The following ZFYVE9 variants were observed in gnomAD, a reference collection of about 807,000 sequenced individuals.
ZFYVE9 encodes the protein zinc finger FYVE domain-containing protein 9.
In ZFYVE9, 43 loss-of-function variants were observed where a neutral mutation model predicts 126.7. The observed-to-expected ratio is 0.34, with a 90% confidence interval of 0.27 to 0.44. The LOEUF (loss-of-function observed/expected upper bound fraction) is 0.44, where lower values mean the gene tolerates loss of function less well. Among genes scored for constraint, ZFYVE9 ranks in the 20% least tolerant of loss-of-function variants. The probability of loss-of-function intolerance (pLI) is 1.00; values close to 1 mark genes in which losing one functional copy is unlikely to be tolerated. For missense variants in ZFYVE9, 1,476 were observed against 1,697.0 expected, an observed-to-expected ratio of 0.87 and a Z score of 2.29; for synonymous variants, 521 against 597.4, an observed-to-expected ratio of 0.87 and a Z score of 1.87.
chr1:52,326,356 G>A (rs1646291877), intron 13 of ZFYVE9, among the ~76,000 whole-genome samples: 1 of 152,146 alleles, frequency 6.6e-6, no homozygotes, highest in African/African-American at 2.4e-5. Context: ...TTAACAAATT[G>A]TTTGTTAAAA....
At chr1:52,198,886 T>G (rs546276165) in intron 1 of ZFYVE9, among the ~76,000 whole-genome samples, 17 of 152,316 alleles carry the variant, frequency 1.1e-4, no homozygotes, top group African/African-American at 4.1e-4. Context: ...GGATACATCA[T>G]TATCACCCAA....
chr1:52,214,436 GAAATA>G (rs558699948), intron 1 of ZFYVE9, among the ~76,000 whole-genome samples: 1 of 151,882 alleles, frequency 6.6e-6, no homozygotes, highest in African/African-American at 2.4e-5. Flanking sequence ...CAAAAATAAT[GAAATA>G]AAATAAAATA....
At chr1:52,205,065 GA>G (rs1644960674) in intron 1 of ZFYVE9, among the ~76,000 whole-genome samples, 6 of 143,428 alleles carry the variant, frequency 4.2e-5, no homozygotes, top group South Asian at 4.4e-4. Flanking sequence ...TTTGTGCTGT[GA>G]ATTTTTTTTT....
In ZFYVE9 at chr1:52,155,891, C is replaced by T. The variant is rs114474294; in HGVS notation, c.-143+13488C>T. Among the ~76,000 whole-genome samples, 1,210 of 152,240 alleles carry T rather than the reference C, an allele frequency of 7.9e-3. 16 individuals are homozygous for T. Among genetic ancestry groups the T allele is most frequent in the African/African-American group, 0.028 (1,161 of 41,526 alleles). ...TGGAGGGGATGTGTTGGCATGATTG[C>T]GACCACTGGACTCTTAAAACTTTGC... On this transcript the variant is annotated intron_variant, in intron 1 of 18. Coordinates refer to ENST00000287727, the MANE Select transcript of ZFYVE9 (RefSeq NM_004799.4).
At chr1:52,298,035 T>A (rs576942684) in intron 12 of ZFYVE9, among the ~76,000 whole-genome samples, 88 of 152,330 alleles carry the variant, frequency 5.8e-4, no homozygotes, top group African/African-American at 1.7e-3. Context: ...AAATTTGTTA[T>A]ATATTCTGGA....
chr1:52,160,614 C>A, intron 1 of ZFYVE9: 3 of 693,220 alleles, frequency 4.3e-6, no homozygotes, highest in Non-Finnish European at 8.0e-6. Context: ...GAGTCGGGCA[C>A]CGTGTTAGCC....
chr1:52,332,625 CTTTG>C, intron 13 of ZFYVE9, 139 bp from the exon 14 acceptor site: 1 of 970,340 alleles, frequency 1.0e-6, no homozygotes, highest in Non-Finnish European at 1.5e-6. Flanking sequence ...CATTTTTTTA[CTTTG>C]TTTCATTATT....
At chr1:52,240,652 C>G (rs558549475) in intron 4 of ZFYVE9, among the ~76,000 whole-genome samples, 3 of 152,142 alleles carry the variant, frequency 2.0e-5, no homozygotes, top group East Asian at 1.9e-4. Flanking sequence ...GAAGTTCTCT[C>G]GGTCTTCCCC....
At chr1:52,295,452 C>T (rs576108778) in intron 11 of ZFYVE9, among the ~76,000 whole-genome samples, 41 of 151,992 alleles carry the variant, frequency 2.7e-4, no homozygotes, top group Admixed American at 3.3e-4. Context: ...GTCACCTGGG[C>T]TCAAGCCATC....
intron 1 of ZFYVE9, among the ~76,000 whole-genome samples, chr1:52,179,423 T>G (rs1428053536): frequency 6.6e-6 from 1 of 151,668 alleles, no homozygotes; most frequent in Non-Finnish European, 1.5e-5. Flanking sequence ...TTGTGTGAGG[T>G]CAGGAGTTCA....
chr1:52,144,918 G>A (rs1003661269), intron 1 of ZFYVE9, among the ~76,000 whole-genome samples: 1 of 152,160 alleles, frequency 6.6e-6, no homozygotes, highest in African/African-American at 2.4e-5. Context: ...ATTATAATCT[G>A]TAAAAGATTT....
chr1:52,332,714 T>A, intron 13 of ZFYVE9, 54 bp from the exon 14 acceptor site: 1 of 1,586,482 alleles, frequency 6.3e-7, no homozygotes, highest in Non-Finnish European at 8.6e-7. Context: ...TTGCACCATG[T>A]CAGACAGAAA....
intron 2 of ZFYVE9, among the ~76,000 whole-genome samples, chr1:52,225,097 CAGAG>C (rs2124609820): frequency 6.6e-6 from 1 of 152,296 alleles, no homozygotes; most frequent in South Asian, 2.1e-4. Context: ...TTTCAACCTA[CAGAG>C]ATCCCAACCA....
intron 16 of ZFYVE9, among the ~76,000 whole-genome samples, chr1:52,338,615 C>T (rs1289900062): frequency 6.6e-6 from 1 of 152,160 alleles, no homozygotes; most frequent in African/African-American, 2.4e-5. Context: ...TTGTTTTTAA[C>T]ATTGCTATTT....
At position 52,239,060 on chromosome 1, in the gene ZFYVE9, A is replaced by G. The variant is rs370567015; in HGVS notation, c.1643A>G (p.His548Arg). 99 of 1,614,050 alleles carry G rather than the reference A, an allele frequency of 6.1e-5. No individual in the cohort carries two copies. Among genetic ancestry groups the G allele is most frequent in the South Asian group, 2.2e-5 (2 of 91,090 alleles). Residue 548 changes from histidine (H) to arginine (R), a missense_variant, in exon 4 of 19, where the codon CAT becomes CGT. Coordinates refer to ENST00000287727, the MANE Select transcript of ZFYVE9 (RefSeq NM_004799.4). ...TGDLMKKNYL[H>R]NFCSQVPSVL... Reference sequence around the variant, plus strand: ...GACCTAATGAAGAAAAATTATTTACATAATTTCTGTAGTCAAGTTCCATCA... The same window carrying G: ...GACCTAATGAAGAAAAATTATTTACGTAATTTCTGTAGTCAAGTTCCATCA...
intron 1 of ZFYVE9, among the ~76,000 whole-genome samples, chr1:52,214,772 A>G (rs1645057568): frequency 6.6e-6 from 1 of 152,146 alleles, no homozygotes; most frequent in Admixed American, 6.5e-5. Flanking sequence ...AGACCCAGGA[A>G]AGCTGGTGGT....
Position 52,237,736 on chromosome 1 carries a change from G to A in ZFYVE9, c.319G>A (p.Glu107Lys). The A allele has an allele frequency of 1.2e-6, 2 of 1,614,126 alleles. No homozygotes were observed. Among genetic ancestry groups the A allele is most frequent in the Non-Finnish European group, 1.7e-6 (2 of 1,179,990 alleles). The change falls in exon 4 of 19, where the codon GAA becomes AAA. Residue 107 changes from glutamate (E) to lysine (K), a missense_variant. Coordinates refer to ENST00000287727, the MANE Select transcript of ZFYVE9 (RefSeq NM_004799.4). ...AGAGATTGCCACAATGTGGATTGATGAAAATGCTGTTGCAGAAGACCAGTT... is the reference window on the plus strand; with the variant it reads ...AGAGATTGCCACAATGTGGATTGATAAAAATGCTGTTGCAGAAGACCAGTT... ...NPEIATMWID[E>K]NAVAEDQLIK...
rs554081531 is a variant in ZFYVE9 at position 52,165,890 on chromosome 1, G to C, written c.-143+23487G>C. Among the ~76,000 whole-genome samples, 25 of 152,238 alleles carry C rather than the reference G, an allele frequency of 1.6e-4. No individual in the cohort carries two copies. The East Asian group carries it at 4.6e-3, about 28-fold the overall frequency. ...CTTCTAGACTGTGTCATCAATTATT[G>C]GAGGATTGGAAGCATATCTTGTATC... On this transcript the variant is annotated intron_variant, in intron 1 of 18. Coordinates refer to ENST00000287727, the MANE Select transcript of ZFYVE9 (RefSeq NM_004799.4).
intron 1 of ZFYVE9, among the ~76,000 whole-genome samples, chr1:52,151,154 C>T (rs1644353276): frequency 6.6e-6 from 1 of 152,136 alleles, no homozygotes; most frequent in South Asian, 2.1e-4. Flanking sequence ...ATTCCTCCCT[C>T]CTGTTTTTGC....
Sources: gnomAD v4.1 joint callset for allele counts (sites outside exome capture counted in the v4.1 genomes callset) on GRCh38, gnomAD v4.1.1 for gene constraint, MANE v1.5 for transcripts, NCBI Gene and HGNC (gene_info 2026-07-23, HGNC 2026-07-21) for gene names.